Variants in MYO1E observed in about 807,000 individuals in gnomAD.
MYO1E encodes myosin IE.
In MYO1E, 68 loss-of-function variants were observed where a neutral mutation model predicts 151.1. The observed-to-expected ratio is 0.45, with a 90% CI of 0.37 to 0.55. The LOEUF (loss-of-function observed/expected upper bound fraction) is 0.55. Ranked by LOEUF, MYO1E falls within the 20% of genes least tolerant of loss-of-function variation. MYO1E has a pLI of 0.00. For synonymous variants in MYO1E, 601 were observed against 501.7 expected (o/e 1.20, Z -2.64); for missense variants, 1,363 against 1,389.3 (o/e 0.98, Z 0.30).
chr15:59,216,643 A>AGTGTGTGTGTGTGTGTGTGTGTGTGT (rs1301548766), intron 10 of MYO1E, among the ~76,000 whole-genome samples: 4,096 of 43,210 alleles, frequency 0.095, 1,004 homozygotes, highest in Non-Finnish European at 0.14. Flanking sequence ...AAGGGCCCCC[A>AGTGTGTGTGTGTGTGTGTGTGTGTGT]GTGTGTGTGT....
chr15:59,358,758 G>A (rs2140439379), intron 1 of MYO1E, among the ~76,000 whole-genome samples: 1 of 152,244 alleles, frequency 6.6e-6, no homozygotes. Context: ...TTCTCTTTGT[G>A]ATCACAGAAA....
At chr15:59,162,727 C>A (rs189983785) in intron 23 of MYO1E, among the ~76,000 whole-genome samples, 1 of 151,542 alleles carries the variant, frequency 6.6e-6, no homozygotes, top group African/African-American at 2.4e-5. Flanking sequence ...AGTCCTCAAG[C>A]CCCCGGAGGC....
chr15:59,371,894 C>G (rs1371734571), intron 1 of MYO1E, among the ~76,000 whole-genome samples: 1 of 151,170 alleles, frequency 6.6e-6, no homozygotes, highest in Middle Eastern at 3.4e-3. Flanking sequence ...CAGGTGCTCG[C>G]CCTACCTGGC....
chr15:59,230,891 A>G (rs2080023859), intron 6 of MYO1E, among the ~76,000 whole-genome samples: 1 of 152,358 alleles, frequency 6.6e-6, no homozygotes, highest in East Asian at 1.9e-4. Flanking sequence ...GACATGATCT[A>G]TGGTTGAAAT....
chr15:59,239,523 A>C (rs2080087487), intron 4 of MYO1E, among the ~76,000 whole-genome samples: 1 of 152,032 alleles, frequency 6.6e-6, no homozygotes, highest in Non-Finnish European at 1.5e-5. Flanking sequence ...GAATTATAAA[A>C]GGACAGTAAT....
At chr15:59,290,506 T>C (rs1291066087) in intron 1 of MYO1E, among the ~76,000 whole-genome samples, 1 of 152,218 alleles carries the variant, frequency 6.6e-6, no homozygotes. Flanking sequence ...GCCTCTGCCT[T>C]GTCTCCTTGA....
At chr15:59,262,453 AAAAAACAAAAAC>A (rs530509447) in intron 2 of MYO1E, among the ~76,000 whole-genome samples, 2 of 151,966 alleles carry the variant, frequency 1.3e-5, no homozygotes, top group East Asian at 1.9e-4. Context: ...TCCATCTCTA[AAAAAACAAAAAC>A]AAAAACAAAA....
chr15:59,273,315 G>A (rs1892003799), intron 1 of MYO1E, among the ~76,000 whole-genome samples: 1 of 152,166 alleles, frequency 6.6e-6, no homozygotes. Flanking sequence ...GTTCAGCTAC[G>A]TGACAAGTTC....
chr15:59,256,690 T>TCCACC (rs1269990757), intron 3 of MYO1E, among the ~76,000 whole-genome samples: 1 of 152,084 alleles, frequency 6.6e-6, no homozygotes, highest in African/African-American at 2.4e-5. Flanking sequence ...ACCCCACCCT[T>TCCACC]CCACCCATAC....
intron 1 of MYO1E, among the ~76,000 whole-genome samples, chr15:59,360,996 A>G (rs1357469519): frequency 2.6e-5 from 4 of 152,186 alleles, no homozygotes; most frequent in African/African-American, 9.7e-5. Flanking sequence ...GACGCAAGCA[A>G]GGGTTGAAAA....
intron 1 of MYO1E, among the ~76,000 whole-genome samples, chr15:59,307,950 C>G (rs2080524809): frequency 6.7e-6 from 1 of 148,758 alleles, no homozygotes; most frequent in Admixed American, 6.7e-5. Flanking sequence ...GGCGCGGTGG[C>G]TCACGCCTGT....
At position 59,258,647 on chromosome 15, in the gene MYO1E, T is replaced by C. The variant is rs78599468; in HGVS notation, c.238-2269A>G. 7.7e-3 allele frequency among the ~76,000 whole-genome samples: 1,178 copies of C among 152,274 alleles called. 4 individuals carry two copies. The highest frequency in any genetic ancestry group is 0.014 in the Middle Eastern group (4 of 294). On this transcript the variant is annotated intron_variant, in intron 3 of 27. Transcript: ENST00000288235. The stretch of plus-strand genomic sequence containing the variant: ...CCAGAGGATCACTCGAACCCAGCAG[T>C]TCCAGATCAACCTGGGCAACATAGT...
intron 15 of MYO1E, among the ~76,000 whole-genome samples, chr15:59,204,082 T>C (rs1473334966): frequency 6.6e-6 from 1 of 152,214 alleles, no homozygotes; most frequent in African/African-American, 2.4e-5. Context: ...TTAATAATTT[T>C]TTAAAAACAA....
intron 4 of MYO1E, among the ~76,000 whole-genome samples, chr15:59,253,900 C>CA (rs1566992947): frequency 1.0e-4 from 7 of 69,454 alleles, no homozygotes; most frequent in Admixed American, 3.2e-4. Flanking sequence ...GGACAAACAA[C>CA]CTTTTTTTTT....
At chr15:59,341,974 A>G (rs1180882339) in intron 1 of MYO1E, among the ~76,000 whole-genome samples, 2 of 152,188 alleles carry the variant, frequency 1.3e-5, no homozygotes, top group African/African-American at 2.4e-5. Context: ...ATACTCATTT[A>G]TATTTCCACC....
chr15:59,202,902 C>A (rs1027807711), intron 15 of MYO1E, among the ~76,000 whole-genome samples: 1 of 152,102 alleles, frequency 6.6e-6, no homozygotes, highest in African/African-American at 2.4e-5. Flanking sequence ...GACGCCACCA[C>A]GTCCAGCTAA....
At chr15:59,353,297 C>A (rs2080833955) in intron 1 of MYO1E, among the ~76,000 whole-genome samples, 1 of 134,798 alleles carries the variant, frequency 7.4e-6, no homozygotes, top group Non-Finnish European at 1.5e-5. Flanking sequence ...TTTAAGGCTG[C>A]AGTGAGCTGT....
At chr15:59,272,996 C>G (rs1226682638) in intron 1 of MYO1E, among the ~76,000 whole-genome samples, 2 of 152,250 alleles carry the variant, frequency 1.3e-5, no homozygotes, top group Non-Finnish European at 2.9e-5. Flanking sequence ...ATCTAAATTA[C>G]TTTCCCTTCA....
At chr15:59,323,295 T>G (rs1318700145) in intron 1 of MYO1E, among the ~76,000 whole-genome samples, 2 of 151,556 alleles carry the variant, frequency 1.3e-5, no homozygotes, top group Admixed American at 6.6e-5. Context: ...TGATGAAATA[T>G]GGTAATTTCT....
Sources: gnomAD v4.1 joint callset for allele counts (sites outside exome capture counted in the v4.1 genomes callset) on GRCh38, gnomAD v4.1.1 for gene constraint, MANE v1.5 for transcripts, NCBI Gene and HGNC (gene_info 2026-07-23, HGNC 2026-07-21) for gene names.